ADGRL4: variants seen among roughly 807,000 people sequenced by gnomAD.
ADGRL4 encodes the protein adhesion G protein-coupled receptor L4.
Under a neutral mutation model 74.8 loss-of-function variants are expected in ADGRL4, and 90 were observed. The ratio of observed to expected loss-of-function variants is 1.20; its 90% CI spans 1.02 to 1.43. ADGRL4 has a LOEUF of 1.43. Ranked by LOEUF, ADGRL4 falls within the 40% of genes most tolerant of loss-of-function variation. The pLI is 0.00. For synonymous variants in ADGRL4, 311 were observed against 279.2 expected, an observed-to-expected ratio of 1.11 and a Z score of -1.14; for missense variants, 881 against 814.3, an observed-to-expected ratio of 1.08 and a Z score of -1.00.
chr1:78,942,801 TG>T (rs1180320098), intron 3 of ADGRL4, among the ~76,000 whole-genome samples: 6 of 152,058 alleles, frequency 3.9e-5, no homozygotes, highest in South Asian at 2.1e-4. Context: ...CAAGGTGGTG[TG>T]TAGTGTAGTC....
intron 12 of ADGRL4, among the ~76,000 whole-genome samples, chr1:78,895,906 C>T (rs75412274): frequency 1.2e-4 from 18 of 152,098 alleles, no homozygotes; most frequent in South Asian, 4.1e-4. Flanking sequence ...AAGTGCAACA[C>T]GACTCAGAAA....
intron 10 of ADGRL4, 31 bp from the exon 11 acceptor site, chr1:78,918,081 G>T (rs72675852): frequency 0.063 from 92,163 of 1,466,172 alleles, 3,386 homozygotes; most frequent in Non-Finnish European, 0.072. Flanking sequence ...AAAAAACATT[G>T]TCAGTGTTTG....
intron 8 of ADGRL4, among the ~76,000 whole-genome samples, chr1:78,923,234 CAG>C (rs978794394): frequency 2.6e-5 from 4 of 151,992 alleles, no homozygotes; most frequent in African/African-American, 9.7e-5. Flanking sequence ...CATTCAAAAA[CAG>C]AGTTAAGTGA....
intron 2 of ADGRL4, among the ~76,000 whole-genome samples, chr1:78,984,296 A>T (rs1650452632): frequency 1.3e-5 from 2 of 151,804 alleles, no homozygotes; most frequent in Admixed American, 1.3e-4. Context: ...GATTGGTGCT[A>T]AAATATTAAA....
intron 2 of ADGRL4, among the ~76,000 whole-genome samples, chr1:78,986,455 A>G (rs1040958050): frequency 6.6e-6 from 1 of 151,514 alleles, no homozygotes; most frequent in African/African-American, 2.4e-5. Flanking sequence ...ATAAGAAAAA[A>G]GAAAAAAGAA....
chr1:78,966,532 T>C (rs1206973127), intron 2 of ADGRL4, among the ~76,000 whole-genome samples: 2 of 152,182 alleles, frequency 1.3e-5, no homozygotes, highest in African/African-American at 4.8e-5. Flanking sequence ...CTTGGTCTTC[T>C]GAGGGTAGGA....
intron 12 of ADGRL4, among the ~76,000 whole-genome samples, chr1:78,899,969 T>C (rs541324638): frequency 4.3e-4 from 66 of 152,268 alleles, no homozygotes; most frequent in South Asian, 8.3e-4. Flanking sequence ...AACTTTAAGA[T>C]AGGGAGGTGA....
At chr1:78,951,790 A>C (rs1277748347) in intron 2 of ADGRL4, among the ~76,000 whole-genome samples, 1 of 152,174 alleles carries the variant, frequency 6.6e-6, no homozygotes, top group Non-Finnish European at 1.5e-5. Context: ...AGACTGTCTG[A>C]CTCCAAAGAC....
chr1:78,986,446 T>TAAGAAAA (rs544321358), intron 2 of ADGRL4, among the ~76,000 whole-genome samples: 2 of 150,716 alleles, frequency 1.3e-5, no homozygotes, highest in African/African-American at 2.4e-5. Flanking sequence ...TGAAATACAA[T>TAAGAAAA]AAGAAAAAAG....
intron 2 of ADGRL4, among the ~76,000 whole-genome samples, chr1:78,967,508 G>A (rs1300296348): frequency 6.6e-6 from 1 of 152,142 alleles, no homozygotes; most frequent in East Asian, 1.9e-4. Flanking sequence ...CAGTAAAAAT[G>A]TGTTTTTAGT....
Position 78,939,258 on chromosome 1 carries a change from T to C in ADGRL4, c.326A>G (p.Glu109Gly). 2 of 1,562,260 alleles carry C rather than the reference T, an allele frequency of 1.3e-6. No individual in the cohort carries two copies. Among genetic ancestry groups the C allele is most frequent in the South Asian group, 2.4e-5 (2 of 82,840 alleles). Reference protein sequence around the residue: ...FITNDGTVCIENVNANCHLDN... With the variant: ...FITNDGTVCIGNVNANCHLDN... Reference sequence around the variant, plus strand: ...TAAATGGCAGTTTGCATTCACATTTTCTGTAAAAAAAGAAAATAGATTATA... The same window carrying C: ...TAAATGGCAGTTTGCATTCACATTTCCTGTAAAAAAAGAAAATAGATTATA... The change falls in exon 4 of 15, where the codon GAA (glutamate) becomes GGA (glycine). Residue 109 changes from glutamate (E) to glycine (G), a missense_variant and splice_region_variant. By Grantham distance (98) the Glu-to-Gly change is moderately conservative (BLOSUM62 -2). Coordinates refer to ENST00000370742, the MANE Select transcript of ADGRL4 (RefSeq NM_022159.4).
chr1:78,940,902 T>C (rs1649462191), intron 3 of ADGRL4, among the ~76,000 whole-genome samples: 1 of 152,200 alleles, frequency 6.6e-6, no homozygotes, highest in Non-Finnish European at 1.5e-5. Flanking sequence ...AGCCTCTTGC[T>C]ACATTCTTAA....
chr1:78,999,839 T>TCTATCTACCTAC lies in ADGRL4; in HGVS notation c.172+5230_172+5231insGTAGGTAGATAG, dbSNP rs1426981277. ...ATCTATCTATCTATCTATCTATCTA[T>TCTATCTACCTAC]CTACCTACCTACCTACCTATCAACT... On this transcript the variant is annotated intron_variant, in intron 2 of 14. Transcript: ENST00000370742. Among the ~76,000 whole-genome samples, 464 of 111,632 alleles carry TCTATCTACCTAC rather than the reference T, an allele frequency of 4.2e-3. 2 individuals are homozygous for TCTATCTACCTAC. The highest frequency in any genetic ancestry group is 9.3e-3 in the Middle Eastern group (2 of 216). 73.2% of individuals were successfully genotyped at this position (111,632 alleles called of 152,430 possible).
intron 12 of ADGRL4, among the ~76,000 whole-genome samples, chr1:78,908,641 T>C (rs1029827701): frequency 6.6e-6 from 1 of 152,008 alleles, no homozygotes; most frequent in African/African-American, 2.4e-5. Flanking sequence ...ATAATTCTAA[T>C]GACTATCTTG....
intron 2 of ADGRL4, among the ~76,000 whole-genome samples, chr1:78,988,864 T>G (rs1650549131): frequency 6.6e-6 from 1 of 151,852 alleles, no homozygotes; most frequent in Admixed American, 6.6e-5. Flanking sequence ...GCAAAATGAA[T>G]TTTCTTCCAT....
chr1:78,917,455 C>T (rs1335571558), intron 12 of ADGRL4, among the ~76,000 whole-genome samples, 179 bp downstream of exon 12: 9 of 150,716 alleles, frequency 6.0e-5, no homozygotes, highest in Admixed American at 4.0e-4. Context: ...AAAAGCTATA[C>T]ATGATTTAAA....
At chr1:78,940,027 C>A (rs890162013) in intron 3 of ADGRL4, among the ~76,000 whole-genome samples, 4 of 152,122 alleles carry the variant, frequency 2.6e-5, no homozygotes, top group African/African-American at 9.7e-5. Context: ...GGGCCAAATT[C>A]TCAAATTGCT....
At chr1:78,970,792 G>C (rs1650152632) in intron 2 of ADGRL4, among the ~76,000 whole-genome samples, 1 of 152,090 alleles carries the variant, frequency 6.6e-6, no homozygotes, top group African/African-American at 2.4e-5. Flanking sequence ...TTGTGTCTCA[G>C]TACTATGGGA....
intron 2 of ADGRL4, among the ~76,000 whole-genome samples, chr1:78,969,088 C>T (rs1000491383): frequency 4.6e-5 from 7 of 152,100 alleles, no homozygotes; most frequent in African/African-American, 1.7e-4. Flanking sequence ...TTATTTTGAA[C>T]TATTTACAGC....
Sources: gnomAD v4.1 joint callset for allele counts (sites outside exome capture counted in the v4.1 genomes callset) on GRCh38, gnomAD v4.1.1 for gene constraint, MANE v1.5 for transcripts, NCBI Gene and HGNC (gene_info 2026-07-23, HGNC 2026-07-21) for gene names.